Variants in ZCCHC14 observed in about 807,000 individuals in gnomAD.
ZCCHC14 encodes zinc finger CCHC-type containing 14.
A neutral mutation model predicts 85.0 loss-of-function variants in ZCCHC14; 16 were observed. The observed-to-expected ratio is 0.19, with a 90% confidence interval of 0.13 to 0.29. The LOEUF (loss-of-function observed/expected upper bound fraction) is 0.29, where lower values mean the gene tolerates loss of function less well. Ranked by LOEUF, ZCCHC14 falls within the 10% of genes least tolerant of loss-of-function variation. The pLI is 1.00. For missense variants in ZCCHC14, 1,303 were observed against 1,443.5 expected (o/e 0.90, Z 1.58); for synonymous variants, 775 against 630.7 (o/e 1.23, Z -3.43).
chr16:87,480,769 A>T (rs1162015403), intron 1 of ZCCHC14, among the ~76,000 whole-genome samples: 1 of 152,204 alleles, frequency 6.6e-6, no homozygotes, highest in Non-Finnish European at 1.5e-5. Flanking sequence ...AACACAGCAC[A>T]TAAGGTCTAG....
At position 87,412,295 on chromosome 16, in the gene ZCCHC14, G is replaced by A. The variant is rs769856268; in HGVS notation, c.2426C>T (p.Pro809Leu). The A allele has an allele frequency of 6.2e-7, 1 of 1,613,916 alleles. No individual in the cohort carries two copies. The highest frequency in any genetic ancestry group is 2.2e-5 in the East Asian group (1 of 44,886). ...QISVPPAIIN[P>L]RTALYTANTK... ...GTTGGCTGTGTACAGAGCAGTCCGG[G>A]GGTTTATTATTGCAGGGGGCACACT... The change falls in exon 12 of 13, where the codon CCC (proline) becomes CTC (leucine). Residue 809 changes from proline to leucine, a missense_variant. Physicochemically the swap from Pro to Leu is moderately conservative, Grantham distance 98 (BLOSUM62 -3). Coordinates refer to ENST00000671377, the MANE Select transcript of ZCCHC14 (RefSeq NM_015144.3).
intron 4 of ZCCHC14, 124 bp downstream of exon 4, chr16:87,423,686 G>GCC: frequency 9.4e-7 from 1 of 1,062,002 alleles, no homozygotes; most frequent in South Asian, 1.5e-5. Flanking sequence ...TGGGCAGGAG[G>GCC]CCCCGCCCTG....
chr16:87,467,490 C>T (rs1188711440), intron 1 of ZCCHC14: 1 of 1,605,936 alleles, frequency 6.2e-7, no homozygotes, highest in African/African-American at 1.3e-5. Flanking sequence ...ACAGATGTAC[C>T]ACTATGACAT....
At position 87,408,603 on chromosome 16, in the gene ZCCHC14, GGTCT is replaced by G. The variant is rs1908304910; in HGVS notation, c.*1673_*1676del. On this transcript the variant is annotated 3_prime_UTR_variant, in exon 13 of 13. Coordinates refer to ENST00000671377, the MANE Select transcript of ZCCHC14 (RefSeq NM_015144.3). ...AATACTGTGTACCATGAGGAGAAGA[GGTCT>G]GTTAATTCTGCATTGCATAGAAATA... 6.6e-6 allele frequency: 1 copy of G among 152,490 alleles called. No individual in the cohort carries two copies. The highest frequency in any genetic ancestry group is 2.4e-5 in the African/African-American group (1 of 41,412). 9.4% of individuals were successfully genotyped at this position (152,490 alleles called of 1,614,324 possible). A position where few individuals can be genotyped will look rare whatever the true frequency, so the allele number is the denominator to read the frequency against.
At chr16:87,453,979 C>T (rs141479399) in intron 2 of ZCCHC14, among the ~76,000 whole-genome samples, 360 of 152,178 alleles carry the variant, frequency 2.4e-3, no homozygotes, top group Non-Finnish European at 3.7e-3. Context: ...AAAAAAGAAC[C>T]ATACACAAAT....
intron 2 of ZCCHC14, among the ~76,000 whole-genome samples, chr16:87,433,511 A>C (rs1909765099): frequency 6.6e-6 from 1 of 152,216 alleles, no homozygotes; most frequent in African/African-American, 2.4e-5. Flanking sequence ...GCTACAACTG[A>C]GAATCTGTGC....
intron 2 of ZCCHC14, among the ~76,000 whole-genome samples, chr16:87,434,985 C>T (rs1333950577): frequency 1.9e-5 from 1 of 51,510 alleles, no homozygotes; most frequent in African/African-American, 9.7e-5. Flanking sequence ...AGTGAGACTT[C>T]GCCTCAAAAA....
Position 87,449,765 on chromosome 16 carries a change from C to T in ZCCHC14, c.694+10243G>A, listed in dbSNP as rs537990695. On this transcript the variant is annotated intron_variant, in intron 2 of 12. Transcript: ENST00000671377. Reference sequence around the variant, plus strand: ...AGTTTAAAAAATGACCCAGGATAAGCTGGGCATGGGGGCTCACGCTTGTGA... The same window carrying T: ...AGTTTAAAAAATGACCCAGGATAAGTTGGGCATGGGGGCTCACGCTTGTGA... 3.3e-5 allele frequency among the ~76,000 whole-genome samples: 5 copies of T among 152,292 alleles called. No homozygotes were observed. In the South Asian group the frequency reaches 1.0e-3, roughly 32 times the overall value.
rs200555167 is a variant in ZCCHC14 at position 87,441,186 on chromosome 16, G to T, written c.695-7985C>A. ...TTTTTGTATTTTTAGTAGACACTGG[G>T]TTTCACCGTGTTAGCCAGGATGGTC... On this transcript the variant is annotated intron_variant, in intron 2 of 12. Transcript: ENST00000671377. Among the ~76,000 whole-genome samples, 4 of 151,852 alleles carry T rather than the reference G, an allele frequency of 2.6e-5. No individual in the cohort carries two copies. The East Asian group carries it at 7.8e-4, about 30-fold the overall frequency.
At position 87,429,306 on chromosome 16, in the gene ZCCHC14, G is replaced by A. The variant is rs188986796; in HGVS notation, c.768+3822C>T. On this transcript the variant is annotated intron_variant, in intron 3 of 12. Transcript: ENST00000671377. Reference sequence around the variant, plus strand: ...GAGGATGGTGACTATCTTTTCACATGTGTTTATGTGCCACCCATGTATCTT... The same window carrying A: ...GAGGATGGTGACTATCTTTTCACATATGTTTATGTGCCACCCATGTATCTT... Among the ~76,000 whole-genome samples, 56 of 152,254 alleles carry A rather than the reference G, an allele frequency of 3.7e-4. 1 individual carries two copies. Among genetic ancestry groups the A allele is most frequent in the Admixed American group, 3.7e-3 (56 of 15,294 alleles).
chr16:87,411,164 G>C (rs146561734), intron 12 of ZCCHC14, among the ~76,000 whole-genome samples: 1 of 152,228 alleles, frequency 6.6e-6, no homozygotes, highest in Non-Finnish European at 1.5e-5. Flanking sequence ...CCGGAATGCC[G>C]ATGCGCCACA....
intron 1 of ZCCHC14, among the ~76,000 whole-genome samples, chr16:87,482,071 AG>A (rs1437901006): frequency 6.6e-6 from 1 of 152,170 alleles, no homozygotes; most frequent in Non-Finnish European, 1.5e-5. Flanking sequence ...GCAGTGGCAG[AG>A]CCCTCCCGAC....
At chr16:87,424,499 CT>C (rs1182835240) in intron 3 of ZCCHC14, among the ~76,000 whole-genome samples, 1 of 152,174 alleles carries the variant, frequency 6.6e-6, no homozygotes, top group Non-Finnish European at 1.5e-5. Flanking sequence ...GTGCCCAGCC[CT>C]TGTGAGCATC....
chr16:87,411,070 T>C (rs138841996), intron 12 of ZCCHC14, among the ~76,000 whole-genome samples: 1 of 152,334 alleles, frequency 6.6e-6, no homozygotes, highest in South Asian at 2.1e-4. Context: ...AGATGCAGCA[T>C]GGCTGAGGGG....
At position 87,459,996 on chromosome 16, in the gene ZCCHC14, G is replaced by A. The variant is rs763377047; in HGVS notation, c.694+12C>T. 5 of 1,614,090 alleles carry A rather than the reference G, an allele frequency of 3.1e-6. No individual in the cohort carries two copies. Among genetic ancestry groups the A allele is most frequent in the Admixed American group, 1.7e-5 (1 of 60,012 alleles). ...CGTCAGACGTCCTCCTGAAACCCGT[G>A]CGTGCACTCACCTTTGCTGTGTTTT... On this transcript the variant is annotated intron_variant, in intron 2 of 12. Coordinates refer to ENST00000671377, the MANE Select transcript of ZCCHC14 (RefSeq NM_015144.3).
chr16:87,478,515 GTATC>G (rs528134948), intron 1 of ZCCHC14, among the ~76,000 whole-genome samples: 191 of 152,136 alleles, frequency 1.3e-3, no homozygotes, highest in African/African-American at 4.3e-3. Context: ...AGTTCTGTGA[GTATC>G]TATTTGTGTC....
chr16:87,489,166 C>T lies in ZCCHC14; in HGVS notation c.570+2503G>A, dbSNP rs150442847. Among the ~76,000 whole-genome samples, 4 of 152,114 alleles carry T rather than the reference C, an allele frequency of 2.6e-5. No individual in the cohort carries two copies. The East Asian group carries it at 5.8e-4, about 22-fold the overall frequency. On this transcript the variant is annotated intron_variant, in intron 1 of 12. Coordinates refer to ENST00000671377, the MANE Select transcript of ZCCHC14 (RefSeq NM_015144.3). ...CTTAGCTTTGAAGCAGCAACAGAAA[C>T]GAAAGTTAAATGAATGGGGCTGAAA...
At chr16:87,415,238 G>A (rs767363088) in intron 9 of ZCCHC14, 38 bp downstream of exon 9, 1 of 1,597,036 alleles carries the variant, frequency 6.3e-7, no homozygotes, top group Non-Finnish European at 8.6e-7. Flanking sequence ...ACGAGAAATG[G>A]AAATAAACAC....
chr16:87,467,370 A>G lies in ZCCHC14; in HGVS notation c.571-7239T>C. The G allele has an allele frequency of 3.1e-6, 5 of 1,598,556 alleles. 1 individual carries two copies. In the South Asian group the frequency reaches 5.5e-5, roughly 18 times the overall value. On this transcript the variant is annotated intron_variant, in intron 1 of 12. Coordinates refer to ENST00000671377, the MANE Select transcript of ZCCHC14 (RefSeq NM_015144.3). ...CCAACTCTGCACCCCTGGGGTAATTAAGCAAGAGAAACTGGGCACAGTTTA... is the reference window on the plus strand; with the variant it reads ...CCAACTCTGCACCCCTGGGGTAATTGAGCAAGAGAAACTGGGCACAGTTTA...
Sources: allele counts gnomAD v4.1 joint callset (sites outside exome capture counted in the v4.1 genomes callset), GRCh38; gene constraint gnomAD v4.1.1; transcripts MANE v1.5; gene names NCBI Gene and HGNC (gene_info 2026-07-23, HGNC 2026-07-21).